Variants in C13orf42 observed in about 807,000 individuals in gnomAD.
C13orf42 encodes uncharacterized protein C13orf42.
chr13:51,167,371 G>A (rs1274616408), intron 1 of C13orf42, among the ~76,000 whole-genome samples: 1 of 152,084 alleles, frequency 6.6e-6, no homozygotes, highest in East Asian at 1.9e-4. Context: ...AAGAAGGGGG[G>A]ATTTCTAGAA....
At chr13:51,107,802 C>G (rs1272956408) in intron 1 of C13orf42, among the ~76,000 whole-genome samples, 1 of 152,200 alleles carries the variant, frequency 6.6e-6, no homozygotes, top group East Asian at 1.9e-4. Flanking sequence ...TGCAGTCCAC[C>G]AGGGGAGACG....
intron 1 of C13orf42, among the ~76,000 whole-genome samples, chr13:51,155,109 G>C (rs1453757126): frequency 6.6e-6 from 1 of 152,090 alleles, no homozygotes; most frequent in African/African-American, 2.4e-5. Flanking sequence ...ATTTAAAAAG[G>C]AGTTCATGTA....
At chr13:51,109,939 T>C (rs1953408156) in intron 1 of C13orf42, among the ~76,000 whole-genome samples, 1 of 152,172 alleles carries the variant, frequency 6.6e-6, no homozygotes, top group Non-Finnish European at 1.5e-5. Context: ...GAAAAGTTGG[T>C]ATATACAAAA....
chr13:51,103,884 G>C (rs573956849), intron 1 of C13orf42, among the ~76,000 whole-genome samples: 1 of 152,286 alleles, frequency 6.6e-6, no homozygotes, highest in South Asian at 2.1e-4. Flanking sequence ...CTGGGGAAAG[G>C]GGGAAATGAG....
At chr13:51,145,597 A>G (rs1277596837) in intron 1 of C13orf42, among the ~76,000 whole-genome samples, 3 of 152,222 alleles carry the variant, frequency 2.0e-5, no homozygotes, top group Non-Finnish European at 4.4e-5. Flanking sequence ...CACTAAAGAA[A>G]ACTCAAGCTG....
intron 1 of C13orf42, among the ~76,000 whole-genome samples, chr13:51,102,854 T>C (rs970628186): frequency 2.6e-5 from 4 of 152,158 alleles, no homozygotes; most frequent in Non-Finnish European, 4.4e-5. Flanking sequence ...GAGAAGCAAG[T>C]ACCTTCTTCA....
At chr13:51,132,852 G>C (rs1953628103) in intron 1 of C13orf42, among the ~76,000 whole-genome samples, 1 of 152,162 alleles carries the variant, frequency 6.6e-6, no homozygotes, top group Admixed American at 6.5e-5. Flanking sequence ...AGGTCATAAA[G>C]ACCTTGCTGA....
intron 1 of C13orf42, among the ~76,000 whole-genome samples, chr13:51,166,673 T>C (rs1167917526): frequency 6.6e-6 from 1 of 151,506 alleles, no homozygotes; most frequent in Admixed American, 6.6e-5. Context: ...GACTTTGAAA[T>C]AGCATACCAA....
At chr13:51,121,538 CTTT>C (rs374108603) in intron 1 of C13orf42, among the ~76,000 whole-genome samples, 1 of 137,806 alleles carries the variant, frequency 7.3e-6, no homozygotes, top group Admixed American at 7.3e-5. Context: ...AAAAAATTTT[CTTT>C]TTTTTTTTTT....
chr13:51,102,615 G>A (rs1953306229), intron 1 of C13orf42, among the ~76,000 whole-genome samples: 1 of 152,164 alleles, frequency 6.6e-6, no homozygotes, highest in Non-Finnish European at 1.5e-5. Flanking sequence ...TTTGCAACTA[G>A]TTCATTCAGG....
chr13:51,087,118 G>C (rs952832476), intron 2 of C13orf42, among the ~76,000 whole-genome samples: 4 of 152,226 alleles, frequency 2.6e-5, no homozygotes, highest in African/African-American at 7.2e-5. Flanking sequence ...GCAAGTCAAA[G>C]ATTAAACAAA....
intron 1 of C13orf42, among the ~76,000 whole-genome samples, chr13:51,159,916 G>C (rs1953851587): frequency 6.6e-6 from 1 of 152,182 alleles, no homozygotes; most frequent in East Asian, 1.9e-4. Flanking sequence ...CACAATCATG[G>C]CGGAGGGTGA....
upstream of C13orf42, among the ~76,000 whole-genome samples, chr13:51,116,167 G>A (rs564590055): frequency 7.9e-5 from 12 of 152,174 alleles, 1 homozygote; most frequent in Non-Finnish European, 1.2e-4. Flanking sequence ...GGCTGGTGGC[G>A]GGACTATATC....
At chr13:51,112,785 T>C (rs1203174652), upstream of C13orf42, among the ~76,000 whole-genome samples, 1 of 152,120 alleles carries the variant, frequency 6.6e-6, no homozygotes, top group Non-Finnish European at 1.5e-5. Flanking sequence ...ATCAGGCGAG[T>C]GCAGAACCAG....
At chr13:51,125,975 T>C (rs558406028) in intron 1 of C13orf42, among the ~76,000 whole-genome samples, 1 of 152,266 alleles carries the variant, frequency 6.6e-6, no homozygotes, top group South Asian at 2.1e-4. Context: ...CTGCTCCGTG[T>C]GAATAGCAAA....
At chr13:51,097,567 T>C (rs1286889620) in intron 1 of C13orf42, among the ~76,000 whole-genome samples, 1 of 152,178 alleles carries the variant, frequency 6.6e-6, no homozygotes, top group Non-Finnish European at 1.5e-5. Context: ...ACCTACACTA[T>C]GACATTCCCG....
chr13:51,171,311 C>A (rs1201460096), intron 1 of C13orf42, among the ~76,000 whole-genome samples: 3 of 152,126 alleles, frequency 2.0e-5, no homozygotes, highest in South Asian at 2.1e-4. Context: ...ATTTTTCCAT[C>A]CTGCAAAATC....
intron 1 of C13orf42, among the ~76,000 whole-genome samples, chr13:51,153,605 C>CATTTTCTT (rs1376541193): frequency 3.5e-5 from 5 of 144,462 alleles, no homozygotes; most frequent in Non-Finnish European, 7.7e-5. Flanking sequence ...GTTATCAACC[C>CATTTTCTT]ATTTTCTTGC....
intron 1 of C13orf42, among the ~76,000 whole-genome samples, chr13:51,124,353 C>G (rs1050938522): frequency 6.6e-6 from 1 of 152,204 alleles, no homozygotes; most frequent in Admixed American, 6.5e-5. Context: ...GTGTGAATTA[C>G]TATCTCTCTA....
Sources: gnomAD v4.1 joint callset for allele counts (sites outside exome capture counted in the v4.1 genomes callset) on GRCh38, gnomAD v4.1.1 for gene constraint, MANE v1.5 for transcripts, NCBI Gene and HGNC (gene_info 2026-07-23, HGNC 2026-07-21) for gene names.